CLNK: variants seen among roughly 807,000 people sequenced by gnomAD.
CLNK encodes the protein cytokine-dependent hematopoietic cell linker.
Under a neutral mutation model 68.6 loss-of-function variants are expected in CLNK, and 74 were observed. The ratio of observed to expected loss-of-function variants is 1.08; its 90% CI spans 0.89 to 1.31. The LOEUF is 1.31. CLNK is among the 50% of genes most tolerant of loss of function. The pLI is 0.00. For missense variants in CLNK, 553 were observed against 515.3 expected, an observed-to-expected ratio of 1.07 and a Z score of -0.71; for synonymous variants, 198 against 172.2, an observed-to-expected ratio of 1.15 and a Z score of -1.17.
the CLNK span, among the ~76,000 whole-genome samples, chr4:10,691,243 A>G: frequency 6.6e-6 from 1 of 152,176 alleles, no homozygotes; most frequent in Non-Finnish European, 1.5e-5. Context: ...ATATGGGGGC[A>G]TAATATGTAT....
the CLNK span, among the ~76,000 whole-genome samples, chr4:10,713,563 A>T: frequency 6.6e-6 from 1 of 151,980 alleles, no homozygotes. Flanking sequence ...ATTTATCCTT[A>T]ATATGGTTTG....
At chr4:10,675,117 G>A (rs577402489) in intron 1 of CLNK, among the ~76,000 whole-genome samples, 1 of 152,272 alleles carries the variant, frequency 6.6e-6, no homozygotes, top group South Asian at 2.1e-4. Context: ...CAAACCTGCA[G>A]GTTCTGCACA....
At chr4:10,714,736 T>C in the CLNK span, among the ~76,000 whole-genome samples, 583 of 151,972 alleles carry the variant, frequency 3.8e-3, 7 homozygotes, top group African/African-American at 0.014. Context: ...TATTCTCATA[T>C]TTATTCCATG....
At chr4:10,699,264 T>C in the CLNK span, among the ~76,000 whole-genome samples, 4 of 69,960 alleles carry the variant, frequency 5.7e-5, no homozygotes, top group South Asian at 5.3e-4. Context: ...TATGTGTGTA[T>C]ACACACACAC....
the CLNK span, among the ~76,000 whole-genome samples, chr4:10,707,178 G>C: frequency 6.6e-6 from 1 of 152,050 alleles, no homozygotes; most frequent in East Asian, 1.9e-4. Context: ...ATTGGTAGAA[G>C]AATTGTCTTG....
intron 7 of CLNK, 67 bp downstream of exon 7, chr4:10,564,604 G>A: frequency 9.1e-7 from 1 of 1,097,966 alleles, no homozygotes; most frequent in Non-Finnish European, 1.4e-6. Flanking sequence ...CAGGAGATGG[G>A]GCAGTTTCTA....
chr4:10,596,949 G>A (rs1392394292), intron 3 of CLNK, among the ~76,000 whole-genome samples: 5 of 152,098 alleles, frequency 3.3e-5, no homozygotes, highest in South Asian at 2.1e-4. Context: ...TAAGGAAAAT[G>A]GACTTAAAAT....
chr4:10,684,100 A>G (rs1725182188), intron 1 of CLNK, among the ~76,000 whole-genome samples: 1 of 152,210 alleles, frequency 6.6e-6, no homozygotes, highest in African/African-American at 2.4e-5. Flanking sequence ...GCACTTTTCA[A>G]GAGTAAGAAT....
intron 2 of CLNK, among the ~76,000 whole-genome samples, chr4:10,616,452 T>C (rs867289886): frequency 6.6e-6 from 1 of 152,232 alleles, no homozygotes; most frequent in African/African-American, 2.4e-5. Context: ...AAAAGTATTA[T>C]CTGATTCAAC....
At chr4:10,594,367 T>G (rs1365220744) in intron 3 of CLNK, among the ~76,000 whole-genome samples, 1 of 152,160 alleles carries the variant, frequency 6.6e-6, no homozygotes, top group African/African-American at 2.4e-5. Context: ...CCCAGGGGCC[T>G]CTCCCTCCAC....
In CLNK at chr4:10,615,649, G is replaced by A. The variant is rs141241285; in HGVS notation, c.12-17600C>T. 1.4e-3 allele frequency among the ~76,000 whole-genome samples: 207 copies of A among 152,352 alleles called. 2 individuals are homozygous for A. The highest frequency in any genetic ancestry group is 4.8e-3 in the African/African-American group (199 of 41,574). On this transcript the variant is annotated intron_variant, in intron 2 of 18. Transcript: ENST00000226951. Reference sequence around the variant, plus strand: ...CCAGGACTTTTGAGGGGCAGATGAGGATGCGAGCTCATAGTTTCTGAGTAA... The same window carrying A: ...CCAGGACTTTTGAGGGGCAGATGAGAATGCGAGCTCATAGTTTCTGAGTAA...
chr4:10,699,512 A>ATATATATATATTTTTTTT, the CLNK span, among the ~76,000 whole-genome samples: 4 of 32,754 alleles, frequency 1.2e-4, no homozygotes, highest in Non-Finnish European at 1.7e-4. Context: ...ATATATATAT[A>ATATATATATATTTTTTTT]TTTTTTTTTT....
Position 10,490,172 on chromosome 4 carries a change from G to A in CLNK, c.*295C>T. 1 of 296,928 alleles carries A rather than the reference G, an allele frequency of 3.4e-6. No individual in the cohort carries two copies. The highest frequency in any genetic ancestry group is 5.7e-5 in the South Asian group (1 of 17,572). The allele number at this position is 296,928 out of a possible 1,614,324, so 18.4% of individuals were successfully genotyped here. ...CATGAGCATAATGGCTATGTTTATA[G>A]TATTTTTTGTTGTTGTTTTTTAGAA... On this transcript the variant is annotated 3_prime_UTR_variant, in exon 19 of 19. Coordinates refer to ENST00000226951, the MANE Select transcript of CLNK (RefSeq NM_052964.4).
the CLNK span, among the ~76,000 whole-genome samples, chr4:10,694,179 T>G: frequency 6.6e-6 from 1 of 151,582 alleles, no homozygotes; most frequent in East Asian, 1.9e-4. Flanking sequence ...ATGACATAAG[T>G]ACAGCCAAAT....
intron 10 of CLNK, 30 bp downstream of exon 10, chr4:10,541,992 G>GAA (rs11440483): frequency 2.0e-5 from 30 of 1,501,414 alleles, no homozygotes; most frequent in East Asian, 9.2e-5. Context: ...ATTGTATAGC[G>GAA]AAAAAAAATG....
the CLNK span, among the ~76,000 whole-genome samples, chr4:10,704,206 G>T: frequency 6.6e-5 from 10 of 152,114 alleles, no homozygotes; most frequent in African/African-American, 2.2e-4. Context: ...GAGCGAGAGA[G>T]ACCCTAAGTC....
chr4:10,683,161 C>A (rs960040294), intron 1 of CLNK, among the ~76,000 whole-genome samples: 1 of 152,134 alleles, frequency 6.6e-6, no homozygotes, highest in South Asian at 2.1e-4. Flanking sequence ...ATATATGAAA[C>A]AACATCCCTG....
chr4:10,682,359 A>G (rs975254470), intron 1 of CLNK, among the ~76,000 whole-genome samples: 1 of 152,114 alleles, frequency 6.6e-6, no homozygotes, highest in African/African-American at 2.4e-5. Flanking sequence ...ACTCTGCAGA[A>G]CTCAAGTCTT....
chr4:10,728,250 C>T, the CLNK span, among the ~76,000 whole-genome samples: 1 of 152,162 alleles, frequency 6.6e-6, no homozygotes, highest in Admixed American at 6.5e-5. Context: ...TTCACAAAAC[C>T]TCTCTTGTCT....
Sources: allele counts gnomAD v4.1 joint callset (sites outside exome capture counted in the v4.1 genomes callset), GRCh38; gene constraint gnomAD v4.1.1; transcripts MANE v1.5; gene names NCBI Gene and HGNC (gene_info 2026-07-23, HGNC 2026-07-21).